Variants in PIK3AP1 observed in about 807,000 individuals in gnomAD.
PIK3AP1 encodes phosphoinositide 3-kinase adapter protein 1.
In PIK3AP1, 21 loss-of-function variants were observed where a neutral mutation model predicts 88.1. The observed-to-expected ratio is 0.24, with a 90% CI of 0.17 to 0.34. The LOEUF is 0.34. Ranked by LOEUF, PIK3AP1 falls within the 10% of genes least tolerant of loss-of-function variation. The pLI, the probability that PIK3AP1 is intolerant of heterozygous loss-of-function variation, is 1.00. For missense variants in PIK3AP1, 828 were observed against 1,035.7 expected (o/e 0.80, Z 2.75); for synonymous variants, 398 against 400.0 (o/e 1.00, Z 0.06).
chr10:96,694,491 C>T (rs964248213), intron 2 of PIK3AP1, among the ~76,000 whole-genome samples: 1 of 143,470 alleles, frequency 7.0e-6, no homozygotes, highest in African/African-American at 2.5e-5. Context: ...TCCCTCCCCT[C>T]CCCTCCCTTC....
chr10:96,598,474 T>C (rs1472776876), intron 16 of PIK3AP1, among the ~76,000 whole-genome samples: 1 of 152,142 alleles, frequency 6.6e-6, no homozygotes, highest in East Asian at 1.9e-4. Context: ...CAATCTATCC[T>C]TCCATCCATT....
intron 8 of PIK3AP1, among the ~76,000 whole-genome samples, chr10:96,637,928 TC>T (rs1207310615): frequency 6.6e-6 from 1 of 152,180 alleles, no homozygotes; most frequent in African/African-American, 2.4e-5. Flanking sequence ...CTAGCTGCTC[TC>T]CCCTTGGGTT....
At chr10:96,688,919 C>T (rs1033695713) in intron 2 of PIK3AP1, among the ~76,000 whole-genome samples, 7 of 151,982 alleles carry the variant, frequency 4.6e-5, no homozygotes, top group African/African-American at 1.7e-4. Flanking sequence ...TAGGTAGGAT[C>T]TACATGTGCT....
Position 96,645,665 on chromosome 10 carries a change from G to A in PIK3AP1, c.1186-3C>T, listed in dbSNP as rs1489669424. The A allele has an allele frequency of 6.3e-7, 1 of 1,584,152 alleles. No individual in the cohort carries two copies. The highest frequency in any genetic ancestry group is 8.6e-7 in the Non-Finnish European group (1 of 1,165,806). ...CTCTTGAGCATGTCCACCGTTTCCT[G>A]AAAGAGAAGATGAGGCCCACGGCGC... On this transcript the variant is annotated splice_region_variant and splice_polypyrimidine_tract_variant and intron_variant, in intron 7 of 16. Coordinates refer to ENST00000339364, the MANE Select transcript of PIK3AP1 (RefSeq NM_152309.3).
chr10:96,677,578 TACACACACACACACACAC>T (rs35018772), intron 2 of PIK3AP1, among the ~76,000 whole-genome samples: 33 of 121,186 alleles, frequency 2.7e-4, no homozygotes, highest in Non-Finnish European at 5.1e-4. Flanking sequence ...ACTAAGCACA[TACACACACACACACACAC>T]ACACACACAC....
Position 96,720,372 on chromosome 10 carries a change from G to A in PIK3AP1, c.13+10C>T. On this transcript the variant is annotated intron_variant, in intron 1 of 16. Coordinates refer to ENST00000339364, the MANE Select transcript of PIK3AP1 (RefSeq NM_152309.3). This position sits in a 1 kb window ranked among gnomAD's most constrained non-coding sequence, Gnocchi z 4.6. ...GGGAGCCCGGGGACCCGCGGCGCCTGCCTACCCACCTGAGGCTGCCATGCC... is the reference window on the plus strand; with the variant it reads ...GGGAGCCCGGGGACCCGCGGCGCCTACCTACCCACCTGAGGCTGCCATGCC... The A allele has an allele frequency of 8.1e-7, 1 of 1,241,666 alleles. No individual in the cohort carries two copies. Among genetic ancestry groups the A allele is most frequent in the Non-Finnish European group, 1.0e-6 (1 of 987,722 alleles). 76.9% of individuals were successfully genotyped at this position (1,241,666 alleles called of 1,614,324 possible).
chr10:96,645,986 G>A (rs1843454180), intron 7 of PIK3AP1, among the ~76,000 whole-genome samples: 1 of 152,204 alleles, frequency 6.6e-6, no homozygotes, highest in South Asian at 2.1e-4. Context: ...ATGGCCTGAT[G>A]TGGTGGCTCA....
Position 96,709,792 on chromosome 10 carries a change from C to G in PIK3AP1, c.205G>C (p.Val69Leu). ...SLFLSTRCVV[V>L]LLSAELVQHF... is the part of the protein sequence containing the mutation. The stretch of plus-strand genomic sequence containing the variant: ...TGCACCAGCTCCGCGGACAGCAGCA[C>G]CACGACACAGCGGGTGCTGAGGAAA... Residue 69 changes from valine to leucine, a missense_variant, in exon 2 of 17, where the codon GTG becomes CTG. By Grantham distance (32) the Val-to-Leu change is conservative. Around this residue, in one of 3 missense-constraint regions of PIK3AP1, gnomAD observed 610 missense variants for 760.1 expected, o/e 0.80. Transcript: ENST00000339364. The G allele has an allele frequency of 6.2e-7, 1 of 1,613,554 alleles. No homozygotes were observed. The highest frequency in any genetic ancestry group is 8.5e-7 in the Non-Finnish European group (1 of 1,179,588).
intron 2 of PIK3AP1, among the ~76,000 whole-genome samples, chr10:96,705,058 C>G (rs2134286716): frequency 6.6e-6 from 1 of 152,216 alleles, no homozygotes. Flanking sequence ...AAAGGTATCT[C>G]AAAGTTAAGA....
intron 16 of PIK3AP1, among the ~76,000 whole-genome samples, chr10:96,596,463 T>C (rs1848755506): frequency 6.6e-6 from 1 of 152,190 alleles, no homozygotes; most frequent in Admixed American, 6.5e-5. Context: ...TCCTGAGCTG[T>C]TGACTTTGCC....
chr10:96,612,948 G>A (rs199735685), intron 13 of PIK3AP1, among the ~76,000 whole-genome samples: 889 of 45,372 alleles, frequency 0.02, 16 homozygotes, highest in African/African-American at 0.029. Context: ...TTGTGTGTGT[G>A]TGTATATATA....
At chr10:96,700,120 A>G (rs1023915500) in intron 2 of PIK3AP1, among the ~76,000 whole-genome samples, 1 of 152,032 alleles carries the variant, frequency 6.6e-6, no homozygotes, top group African/African-American at 2.4e-5. Context: ...AGCATTCGTG[A>G]CTCCCTTTTC....
At chr10:96,611,397 A>T (rs1456365696) in intron 13 of PIK3AP1, among the ~76,000 whole-genome samples, 1 of 152,068 alleles carries the variant, frequency 6.6e-6, no homozygotes, top group African/African-American at 2.4e-5. Context: ...TCATATGGGT[A>T]GCCCCCACAG....
intron 8 of PIK3AP1, among the ~76,000 whole-genome samples, chr10:96,631,324 T>C (rs1843241848): frequency 6.6e-6 from 1 of 151,896 alleles, no homozygotes. Context: ...GTTGACAGAG[T>C]GGTAAAAGCC....
chr10:96,657,066 G>T (rs1843625042), intron 2 of PIK3AP1, 132 bp from the exon 3 acceptor site: 4 of 929,650 alleles, frequency 4.3e-6, no homozygotes, highest in Non-Finnish European at 6.3e-6. Flanking sequence ...AAGCAGAAGG[G>T]ACTGACTCAG....
At chr10:96,638,929 CA>C in intron 8 of PIK3AP1, among the ~76,000 whole-genome samples, 1 of 116,116 alleles carries the variant, frequency 8.6e-6, no homozygotes, top group Non-Finnish European at 1.8e-5. Context: ...GATTTAAACA[CA>C]TGAGAGGTTT....
chr10:96,712,772 A>C (rs566906550), intron 1 of PIK3AP1, among the ~76,000 whole-genome samples: 9 of 152,384 alleles, frequency 5.9e-5, no homozygotes, highest in African/African-American at 2.2e-4. Flanking sequence ...TTTACATTTC[A>C]TTATAACATT....
intron 8 of PIK3AP1, among the ~76,000 whole-genome samples, chr10:96,631,384 T>C (rs1049287134): frequency 2.0e-5 from 3 of 152,044 alleles, no homozygotes; most frequent in African/African-American, 7.2e-5. Context: ...TTTGAGAGAG[T>C]TGATTTGCAT....
chr10:96,599,110 AAGG>A (rs1848836757), intron 16 of PIK3AP1, among the ~76,000 whole-genome samples: 2 of 152,146 alleles, frequency 1.3e-5, no homozygotes, highest in African/African-American at 4.8e-5. Flanking sequence ...AGCAGATGGA[AAGG>A]AGGGCGGATC....
Sources: allele counts gnomAD v4.1 joint callset (sites outside exome capture counted in the v4.1 genomes callset), GRCh38; gene constraint gnomAD v4.1.1; regional missense constraint gnomAD v4.1.1; non-coding constraint Gnocchi (gnomAD v3.1); transcripts MANE v1.5; gene names NCBI Gene and HGNC (gene_info 2026-07-23, HGNC 2026-07-21).